The following MAMDC2 variants were observed in gnomAD, a reference collection of about 807,000 sequenced individuals.
The protein encoded by MAMDC2 is MAM domain-containing protein 2.
In MAMDC2, 57 loss-of-function variants were observed where a neutral mutation model predicts 89.8. That is an observed-to-expected ratio of 0.63 (90% CI 0.51 to 0.79). The LOEUF is 0.79. Ranked by LOEUF, MAMDC2 falls within the 30% of genes least tolerant of loss-of-function variation. The probability of loss-of-function intolerance (pLI) is 0.00; values close to 1 mark genes in which losing one functional copy is unlikely to be tolerated. For missense variants in MAMDC2, 800 were observed against 820.6 expected, an observed-to-expected ratio of 0.97 and a Z score of 0.31; for synonymous variants, 313 against 293.4, an observed-to-expected ratio of 1.07 and a Z score of -0.68.
In MAMDC2 at chr9:70,112,155, G is replaced by A. The variant is rs538544911; in HGVS notation, c.506-840G>A. Among the ~76,000 whole-genome samples the A allele has an allele frequency of 4.6e-5, 7 of 152,288 alleles. No individual in the cohort carries two copies. In the South Asian group the frequency reaches 1.5e-3, roughly 32 times the overall value. On this transcript the variant is annotated intron_variant, in intron 4 of 13. Transcript: ENST00000377182. ...GGAGAAGAGCAACGTGGATCCGCAG[G>A]GGGCCAGTGGCCAGCACAATTATAC...
chr9:70,130,535 C>T (rs1469637900), intron 6 of MAMDC2, among the ~76,000 whole-genome samples: 3 of 152,118 alleles, frequency 2.0e-5, no homozygotes, highest in Admixed American at 2.0e-4. Flanking sequence ...TGGTCACAGG[C>T]AGAAGGTGGT....
At chr9:70,216,654 C>T (rs1197385836) in intron 11 of MAMDC2, among the ~76,000 whole-genome samples, 1 of 152,192 alleles carries the variant, frequency 6.6e-6, no homozygotes, top group Non-Finnish European at 1.5e-5. Flanking sequence ...TGCATGCAAA[C>T]TTTCTTTGTG....
Position 70,140,025 on chromosome 9 carries a change from G to A in MAMDC2, c.995-120G>A, listed in dbSNP as rs528690214. The A allele has an allele frequency of 5.1e-6, 5 of 985,810 alleles. No individual in the cohort carries two copies. In the South Asian group the frequency reaches 1.1e-4, roughly 22 times the overall value. 61.1% of individuals were successfully genotyped at this position (985,810 alleles called of 1,614,324 possible). ...GCCCTTTGGATAAAGATATTTAGTT[G>A]TGTTTTACTTCTTCGGTCTCCCCTG... On this transcript the variant is annotated intron_variant, in intron 7 of 13. Transcript: ENST00000377182.
intron 11 of MAMDC2, among the ~76,000 whole-genome samples, chr9:70,211,977 A>G (rs2033362603): frequency 6.6e-6 from 1 of 152,204 alleles, no homozygotes; most frequent in African/African-American, 2.4e-5. Context: ...CTGCCTGATC[A>G]TTCCTCTGGA....
intron 2 of MAMDC2, among the ~76,000 whole-genome samples, chr9:70,068,435 G>C (rs1827318101): frequency 6.6e-6 from 1 of 151,972 alleles, no homozygotes; most frequent in South Asian, 2.1e-4. Context: ...AGCCAATAGG[G>C]GGCCAGGTAC....
intron 2 of MAMDC2, chr9:70,062,613 G>C (rs1275867009): frequency 6.6e-6 from 1 of 152,138 alleles, no homozygotes; most frequent in Non-Finnish European, 1.5e-5. Flanking sequence ...AAATGGACTT[G>C]CACTTCTGCA....
chr9:70,190,313 G>C (rs1176874826), intron 11 of MAMDC2, among the ~76,000 whole-genome samples: 3 of 152,108 alleles, frequency 2.0e-5, no homozygotes, highest in Non-Finnish European at 4.4e-5. Flanking sequence ...GACTAATTCT[G>C]TAGTCTATAT....
intron 6 of MAMDC2, among the ~76,000 whole-genome samples, chr9:70,130,276 A>G (rs2030745719): frequency 6.6e-6 from 1 of 152,102 alleles, no homozygotes; most frequent in South Asian, 2.1e-4. Context: ...CTTCCCACAT[A>G]TCAGCAATTG....
intron 2 of MAMDC2, among the ~76,000 whole-genome samples, chr9:70,055,843 C>G (rs1827014003): frequency 6.6e-6 from 1 of 152,098 alleles, no homozygotes; most frequent in African/African-American, 2.4e-5. Flanking sequence ...AAGGAGTATT[C>G]CTAAACTTCA....
intron 9 of MAMDC2, among the ~76,000 whole-genome samples, chr9:70,151,505 G>C (rs754546497): frequency 4.6e-5 from 7 of 152,162 alleles, no homozygotes; most frequent in Non-Finnish European, 1.0e-4. Context: ...TACGTATGTG[G>C]TCAATGAATG....
At position 70,210,947 on chromosome 9, in the gene MAMDC2, G is replaced by A. The variant is rs989488651; in HGVS notation, c.1652-7390G>A. On this transcript the variant is annotated intron_variant, in intron 11 of 13. Coordinates refer to ENST00000377182, the MANE Select transcript of MAMDC2 (RefSeq NM_153267.5). ...GAAAATTCTTTTCTTTAAGAATGTT[G>A]AATATTGGCCCCCACTCTCTTCTGG... Among the ~76,000 whole-genome samples, 5 of 152,270 alleles carry A rather than the reference G, an allele frequency of 3.3e-5. No individual in the cohort carries two copies. The East Asian group carries it at 9.7e-4, about 29-fold the overall frequency.
At chr9:70,217,099 T>C in intron 11 of MAMDC2, 4 of 531,984 alleles carry the variant, frequency 7.5e-6, no homozygotes, top group South Asian at 7.1e-5. Flanking sequence ...AAAATAGCAA[T>C]AAAATAAAAT....
intron 5 of MAMDC2, among the ~76,000 whole-genome samples, chr9:70,118,519 TA>T (rs1035993846): frequency 1.7e-4 from 26 of 152,294 alleles, no homozygotes; most frequent in African/African-American, 6.3e-4. Context: ...TCCAATGCTC[TA>T]AAAAGGAAAG....
chr9:70,081,869 G>A (rs915811007), intron 2 of MAMDC2: 6 of 152,086 alleles, frequency 3.9e-5, no homozygotes, highest in African/African-American at 1.4e-4. Context: ...GAGGCCCCCT[G>A]AGGCCATTAC....
rs972639679 is a variant in MAMDC2, at chr9:70,135,855, C to T, written c.994+4243C>T. Among the ~76,000 whole-genome samples, 3 of 151,962 alleles carry T rather than the reference C, an allele frequency of 2.0e-5. No homozygotes were observed. In the East Asian group the frequency reaches 5.8e-4, roughly 29 times the overall value. On this transcript the variant is annotated intron_variant, in intron 7 of 13. Coordinates refer to ENST00000377182, the MANE Select transcript of MAMDC2 (RefSeq NM_153267.5). The stretch of plus-strand genomic sequence containing the variant: ...CATACATTTTCATTGCCCTAAAAAC[C>T]CCCTCTATATCCAGGCCAGGCATGG...
Position 70,109,412 on chromosome 9 carries a change from A to AGGT in MAMDC2, c.421-298_421-296dup, listed in dbSNP as rs138739930. 1,810 of 313,342 alleles carry AGGT rather than the reference A, an allele frequency of 5.8e-3. 41 individuals carry two copies. Among genetic ancestry groups the AGGT allele is most frequent in the African/African-American group, 0.036 (1,682 of 46,760 alleles). The allele number at this position is 313,342 out of a possible 1,614,324, so 19.4% of individuals were successfully genotyped here. A position where few individuals can be genotyped will look rare whatever the true frequency, so the allele number is the denominator to read the frequency against. ...CCACAAGTGCTACCACAAGCACTGA[A>AGGT]GGTGGTGGTGGTTGGGATAGCAAGA... On this transcript the variant is annotated intron_variant, in intron 3 of 13. Transcript: ENST00000377182.
intron 7 of MAMDC2, among the ~76,000 whole-genome samples, chr9:70,135,964 A>G (rs548037071): frequency 6.6e-6 from 1 of 152,268 alleles, no homozygotes; most frequent in East Asian, 1.9e-4. Flanking sequence ...CAGCCTGGGC[A>G]ACATGGTGAA....
At chr9:70,178,180 A>AT (rs2032554854) in intron 11 of MAMDC2, among the ~76,000 whole-genome samples, 1 of 152,190 alleles carries the variant, frequency 6.6e-6, no homozygotes, top group Non-Finnish European at 1.5e-5. Flanking sequence ...GTGCTGCTAT[A>AT]ACAGAATGGC....
At chr9:70,101,993 C>A (rs980769103) in intron 2 of MAMDC2, among the ~76,000 whole-genome samples, 1 of 152,092 alleles carries the variant, frequency 6.6e-6, no homozygotes, top group African/African-American at 2.4e-5. Flanking sequence ...TACAACACGG[C>A]CAATTTTTCT....
Sources: gnomAD v4.1 joint callset for allele counts (sites outside exome capture counted in the v4.1 genomes callset) on GRCh38, gnomAD v4.1.1 for gene constraint, MANE v1.5 for transcripts, NCBI Gene and HGNC (gene_info 2026-07-23, HGNC 2026-07-21) for gene names.